The following SMOX variants were observed in gnomAD, a reference collection of about 807,000 sequenced individuals.
SMOX encodes the protein flavin containing amine oxidase.
Under a neutral mutation model 51.0 loss-of-function variants are expected in SMOX, and 22 were observed. That is an observed-to-expected ratio of 0.43 (90% CI 0.31 to 0.62). SMOX has a LOEUF of 0.62. Among genes scored for constraint, SMOX ranks in the 20% least tolerant of loss-of-function variants. The probability of loss-of-function intolerance (pLI) is 0.10; values close to 1 mark genes in which losing one functional copy is unlikely to be tolerated. For synonymous variants in SMOX, 282 were observed against 307.8 expected, an observed-to-expected ratio of 0.92 and a Z score of 0.88; for missense variants, 566 against 777.7, an observed-to-expected ratio of 0.73 and a Z score of 3.24.
In SMOX at chr20:4,182,697, C is replaced by T. The variant is rs1979432671; in HGVS notation, c.1218C>T (p.Arg406=). Residue 406 remains arginine (R), a synonymous_variant, in exon 5 of 7, where the codon CGC becomes CGT. Coordinates refer to ENST00000305958, the MANE Select transcript of SMOX (RefSeq NM_175839.3). This position sits in a 1 kb window ranked among gnomAD's most constrained non-coding sequence, Gnocchi z 8.4. The stretch of plus-strand genomic sequence containing the variant: ...CCTACCCACCTGAGCTCTGGTACCG[C>T]AAGATCTGCGGCTTTGATGTCCTCT... ...TLTYPPELWY[R]KICGFDVLYP... 1 of 1,614,056 alleles carries T rather than the reference C, an allele frequency of 6.2e-7. No homozygotes were observed. Among genetic ancestry groups the T allele is most frequent in the African/African-American group, 1.3e-5 (1 of 74,924 alleles).
intron 1 of SMOX, among the ~76,000 whole-genome samples, chr20:4,155,743 T>G (rs963182427): frequency 1.3e-5 from 2 of 152,110 alleles, no homozygotes; most frequent in Non-Finnish European, 2.9e-5. Flanking sequence ...CTACATGGCC[T>G]GGGGTGCGTA....
chr20:4,150,412 C>G (rs1049148952), intron 1 of SMOX, among the ~76,000 whole-genome samples: 13 of 152,192 alleles, frequency 8.5e-5, no homozygotes, highest in Admixed American at 6.5e-4. Flanking sequence ...GAACACTCTC[C>G]TTCAAGAACC....
At chr20:4,186,746 G>T (rs1373634642) in intron 6 of SMOX, 1 of 780,936 alleles carries the variant, frequency 1.3e-6, no homozygotes, top group Non-Finnish European at 2.4e-6. Flanking sequence ...TCACCAGCAT[G>T]GAAGCTCCAC....
rs989309673 is a variant in SMOX at position 4,166,028 on chromosome 20, G to A, written c.-26-9002G>A. Among the ~76,000 whole-genome samples the A allele has an allele frequency of 6.6e-6, 1 of 152,196 alleles. No homozygotes were observed. The highest frequency in any genetic ancestry group is 2.4e-5 in the African/African-American group (1 of 41,436). The stretch of plus-strand genomic sequence containing the variant: ...CATGGGGTGTGAGAAACCTGGAGGT[G>A]GAAACTTAGCTGGTGGGGCTGGCCC... On this transcript the variant is annotated intron_variant, in intron 1 of 6. Transcript: ENST00000305958. This position sits in a 1 kb window ranked among gnomAD's most constrained non-coding sequence, Gnocchi z 4.2.
At position 4,170,731 on chromosome 20, in the gene SMOX, C is replaced by T. The variant is rs532198112; in HGVS notation, c.-26-4299C>T. On this transcript the variant is annotated intron_variant, in intron 1 of 6. Coordinates refer to ENST00000305958, the MANE Select transcript of SMOX (RefSeq NM_175839.3). The surrounding 1 kb of genome is among the most constrained non-coding windows in gnomAD (Gnocchi z 4.6). ...TGCCACAGGACGGGGTTTTTCCTCC[C>T]TCTTTTCCTCTCTCCATACCCTGCT... Among the ~76,000 whole-genome samples the T allele has an allele frequency of 6.6e-6, 1 of 152,238 alleles. No individual in the cohort carries two copies. Among genetic ancestry groups the T allele is most frequent in the Non-Finnish European group, 1.5e-5 (1 of 68,012 alleles).
intron 3 of SMOX, among the ~76,000 whole-genome samples, chr20:4,180,529 A>T (rs1355483102): frequency 6.6e-6 from 1 of 152,208 alleles, no homozygotes. Context: ...AGCTGTGGGC[A>T]TGTGATCCTG....
At chr20:4,164,679 G>C (rs1444726263) in intron 1 of SMOX, among the ~76,000 whole-genome samples, 3 of 152,214 alleles carry the variant, frequency 2.0e-5, no homozygotes, top group Non-Finnish European at 4.4e-5. Context: ...AGGCTGTGGT[G>C]ACTTGGGTGC....
rs1279447054 is a variant in SMOX at position 4,182,061 on chromosome 20, C to T, written c.610-28C>T. ...TACCCCTGCCCAACCCCGGCGGTCA[C>T]CTGGCTTCTCCTTGGGTCTTCCCGC... is the stretch of plus-strand genomic sequence containing the variant. On this transcript the variant is annotated intron_variant, in intron 4 of 6. Transcript: ENST00000305958. This position sits in a 1 kb window ranked among gnomAD's most constrained non-coding sequence, Gnocchi z 8.4. The T allele has an allele frequency of 3.2e-6, 5 of 1,584,392 alleles. No homozygotes were observed. In the African/African-American group the frequency reaches 6.7e-5, roughly 21 times the overall value.
intron 1 of SMOX, among the ~76,000 whole-genome samples, chr20:4,173,223 C>T (rs1036588711): frequency 3.3e-5 from 5 of 152,194 alleles, no homozygotes; most frequent in Non-Finnish European, 7.3e-5. Flanking sequence ...CCTCCTGCCC[C>T]CTTCAGTCAT....
Position 4,167,452 on chromosome 20 carries a change from G to C in SMOX, c.-26-7578G>C, listed in dbSNP as rs1986615130. 6.6e-6 allele frequency among the ~76,000 whole-genome samples: 1 copy of C among 152,088 alleles called. No individual in the cohort carries two copies. Among genetic ancestry groups the C allele is most frequent in the South Asian group, 2.1e-4 (1 of 4,830 alleles). ...TGCTAATTTAATATTCCTACAAGTC[G>C]GCTGTACCTATCCCCATTTTACGGA... On this transcript the variant is annotated intron_variant, in intron 1 of 6. Coordinates refer to ENST00000305958, the MANE Select transcript of SMOX (RefSeq NM_175839.3). This position sits in a 1 kb window ranked among gnomAD's most constrained non-coding sequence, Gnocchi z 4.8.
chr20:4,166,990 T>G lies in SMOX; in HGVS notation c.-26-8040T>G, dbSNP rs1040643529. Among the ~76,000 whole-genome samples the G allele has an allele frequency of 6.6e-6, 1 of 152,202 alleles. No homozygotes were observed. Among genetic ancestry groups the G allele is most frequent in the Non-Finnish European group, 1.5e-5 (1 of 68,040 alleles). ...GCAGGATGATGGAGGCCTTCCCTGTTTTTGGCCTGTGAGGGCCAGGGGACA... is the reference window on the plus strand; with the variant it reads ...GCAGGATGATGGAGGCCTTCCCTGTGTTTGGCCTGTGAGGGCCAGGGGACA... On this transcript the variant is annotated intron_variant, in intron 1 of 6. Transcript: ENST00000305958. The surrounding 1 kb of genome is among the most constrained non-coding windows in gnomAD (Gnocchi z 4.2).
chr20:4,180,938 C>T (rs1979273616), intron 3 of SMOX, among the ~76,000 whole-genome samples: 1 of 152,222 alleles, frequency 6.6e-6, no homozygotes, highest in African/African-American at 2.4e-5. Context: ...CTGTGTCCTG[C>T]ACAGAGCCCG....
intron 1 of SMOX, among the ~76,000 whole-genome samples, chr20:4,168,618 G>A (rs112117707): frequency 1.3e-5 from 2 of 150,992 alleles, no homozygotes; most frequent in Non-Finnish European, 2.9e-5. Context: ...GTGCAGTGGC[G>A]CGATCTCGAC....
intron 1 of SMOX, among the ~76,000 whole-genome samples, chr20:4,157,724 C>A (rs978381538): frequency 6.6e-6 from 1 of 151,870 alleles, no homozygotes; most frequent in Non-Finnish European, 1.5e-5. Flanking sequence ...CGGTGCTGTG[C>A]CCCTTCATGG....
intron 1 of SMOX, among the ~76,000 whole-genome samples, chr20:4,174,318 G>A (rs983152109): frequency 3.9e-5 from 6 of 151,912 alleles, no homozygotes; most frequent in South Asian, 2.1e-4. Context: ...AAGTATCCTG[G>A]GATCTGTGTT....
chr20:4,183,382 T>C lies in SMOX; in HGVS notation c.1370-112T>C, dbSNP rs1979496617. On this transcript the variant is annotated intron_variant, in intron 5 of 6. Transcript: ENST00000305958. This position sits in a 1 kb window ranked among gnomAD's most constrained non-coding sequence, Gnocchi z 4.3. ...TCCTCCGTGCCTACCCCTGGCAGTC[T>C]GGTCCTCCCGGAGCCCTGGAGGTGG... is the stretch of plus-strand genomic sequence containing the variant. 2.0e-5 allele frequency: 30 copies of C among 1,504,704 alleles called. No individual in the cohort carries two copies. The highest frequency in any genetic ancestry group is 2.7e-5 in the Non-Finnish European group (29 of 1,086,580). 93.2% of individuals were successfully genotyped at this position (1,504,704 alleles called of 1,614,324 possible).
intron 1 of SMOX, among the ~76,000 whole-genome samples, chr20:4,161,656 C>T (rs1448377237): frequency 1.3e-5 from 2 of 152,154 alleles, no homozygotes; most frequent in Non-Finnish European, 2.9e-5. Flanking sequence ...CGCAGAGTTG[C>T]CTTGGCAGGA....
intron 1 of SMOX, among the ~76,000 whole-genome samples, chr20:4,168,610 G>A (rs1349386118): frequency 2.0e-5 from 3 of 151,130 alleles, no homozygotes; most frequent in African/African-American, 7.3e-5. Flanking sequence ...AGGCTGGAGT[G>A]CAGTGGCGCG....
intron 1 of SMOX, among the ~76,000 whole-genome samples, chr20:4,168,749 G>T (rs1986687473): frequency 6.6e-6 from 1 of 151,794 alleles, no homozygotes; most frequent in South Asian, 2.1e-4. Context: ...TAGAGACAGG[G>T]TTTCACCATG....
Sources: allele counts gnomAD v4.1 joint callset (sites outside exome capture counted in the v4.1 genomes callset), GRCh38; gene constraint gnomAD v4.1.1; non-coding constraint Gnocchi (gnomAD v3.1); transcripts MANE v1.5; gene names NCBI Gene and HGNC (gene_info 2026-07-23, HGNC 2026-07-21).